The following NUDT2 variants were observed in gnomAD, a reference collection of about 807,000 sequenced individuals.
NUDT2 encodes the protein nudix hydrolase 2.
NUDT2 carries 12 observed loss-of-function variants against 14.2 expected under a neutral mutation model. The observed-to-expected ratio is 0.84, with a 90% CI of 0.54 to 1.37. The LOEUF (loss-of-function observed/expected upper bound fraction) is 1.37, where lower values mean the gene tolerates loss of function less well. Among genes scored for constraint, NUDT2 ranks in the 40% most tolerant of loss-of-function variants. The pLI is 0.00. For synonymous variants in NUDT2, 67 were observed against 67.4 expected, an observed-to-expected ratio of 0.99 and a Z score of 0.03; for missense variants, 167 against 176.7, an observed-to-expected ratio of 0.95 and a Z score of 0.31.
intron 2 of NUDT2, among the ~76,000 whole-genome samples, chr9:34,337,904 C>G (rs1838131192): frequency 6.6e-6 from 1 of 151,900 alleles, no homozygotes; most frequent in South Asian, 2.1e-4. Context: ...GTGGCCCGAT[C>G]TCGGCTCACC....
intron 4 of NUDT2, among the ~76,000 whole-genome samples, chr9:34,342,560 T>C (rs924107268): frequency 6.6e-6 from 1 of 152,190 alleles, no homozygotes; most frequent in Non-Finnish European, 1.5e-5. Context: ...ATTCTAAACC[T>C]GACTTGCTAT....
At position 34,333,644 on chromosome 9, in the gene NUDT2, CAAAAAAA is replaced by C. The variant is rs34830977; in HGVS notation, c.-264-2563_-264-2557del. 5.1e-4 allele frequency among the ~76,000 whole-genome samples: 24 copies of C among 47,104 alleles called. No individual in the cohort carries two copies. The East Asian group carries it at 9.2e-3, about 18-fold the overall frequency. 30.9% of individuals were successfully genotyped at this position (47,104 alleles called of 152,430 possible). ...TCTGGATGACACAGAGAGACATTGT[CAAAAAAA>C]AAAAAAAAAAAAAAAAAAAAAGGAC... On this transcript the variant is annotated intron_variant, in intron 1 of 4. Coordinates refer to ENST00000379158, the MANE Select transcript of NUDT2 (RefSeq NM_001161.5).
intron 1 of NUDT2, among the ~76,000 whole-genome samples, chr9:34,331,065 TAGTC>T (rs1260697485): frequency 6.6e-6 from 1 of 152,124 alleles, no homozygotes; most frequent in Non-Finnish European, 1.5e-5. Flanking sequence ...TGCCCAAAAT[TAGTC>T]AGTTAAGGGA....
rs866658982 is a variant in NUDT2 at position 34,335,659 on chromosome 9, A to G, written c.-264-570A>G. On this transcript the variant is annotated intron_variant, in intron 1 of 4. Transcript: ENST00000379158. ...GCAGTGAGGAGTTCTGTATTTCTAGAAGAACTGTTCTTTCCATGGGTCCAG... is the reference window on the plus strand; with the variant it reads ...GCAGTGAGGAGTTCTGTATTTCTAGGAGAACTGTTCTTTCCATGGGTCCAG... Among the ~76,000 whole-genome samples the G allele has an allele frequency of 1.4e-4, 21 of 152,210 alleles. 1 individual carries two copies. The highest frequency in any genetic ancestry group is 4.8e-4 in the African/African-American group (20 of 41,450).
intron 1 of NUDT2, among the ~76,000 whole-genome samples, chr9:34,329,942 G>C (rs1379988942): frequency 6.6e-6 from 1 of 152,202 alleles, no homozygotes; most frequent in Admixed American, 6.5e-5. Flanking sequence ...CTGGGCCTCA[G>C]TTTCACTTGT....
chr9:34,331,567 C>A (rs760837921), intron 1 of NUDT2, among the ~76,000 whole-genome samples: 1 of 152,052 alleles, frequency 6.6e-6, no homozygotes, highest in Non-Finnish European at 1.5e-5. Flanking sequence ...GCTTGACTTA[C>A]CTAAATTGGA....
Position 34,343,244 on chromosome 9 carries a change from T to C in NUDT2, c.248T>C (p.Val83Ala). 6.2e-7 allele frequency: 1 copy of C among 1,614,028 alleles called. No homozygotes were observed. The highest frequency in any genetic ancestry group is 8.5e-7 in the Non-Finnish European group (1 of 1,180,010). ...GGGTTCAAAAGGGAACTCAATTATG[T>C]GGCCAGGAACAAGCCTAAAACAGTC... ...IEGFKRELNY[V>A]ARNKPKTVIY... The change falls in exon 5 of 5, where the codon GTG (valine) becomes GCG (alanine). Residue 83 changes from valine (V) to alanine (A), a missense_variant. By Grantham distance (64) the Val-to-Ala change is moderately conservative (BLOSUM62 0). Transcript: ENST00000379158.
At chr9:34,340,449 A>T (rs1462418772) in intron 4 of NUDT2, among the ~76,000 whole-genome samples, 1 of 152,122 alleles carries the variant, frequency 6.6e-6, no homozygotes, top group Non-Finnish European at 1.5e-5. Context: ...GATTATGGAG[A>T]CCTTGAGATT....
chr9:34,331,656 G>A (rs1837941399), intron 1 of NUDT2, among the ~76,000 whole-genome samples: 1 of 152,170 alleles, frequency 6.6e-6, no homozygotes, highest in Non-Finnish European at 1.5e-5. Context: ...GGTCTTGGTA[G>A]AGAAGGGAGG....
rs745748055 is a variant in NUDT2, at chr9:34,339,007, G to A, written c.-16-17G>A. 1.3e-6 allele frequency: 2 copies of A among 1,595,100 alleles called. No individual in the cohort carries two copies. Among genetic ancestry groups the A allele is most frequent in the Non-Finnish European group, 1.7e-6 (2 of 1,165,372 alleles). ...ATTTTGTGTAACTTCCCAATATTCT[G>A]TATCTTCTTTGTTAAGTCCTTAGGA... On this transcript the variant is annotated splice_polypyrimidine_tract_variant and intron_variant, in intron 3 of 4. Coordinates refer to ENST00000379158, the MANE Select transcript of NUDT2 (RefSeq NM_001161.5).
At chr9:34,342,638 AACTAGAC>A (rs762660189) in intron 4 of NUDT2, among the ~76,000 whole-genome samples, 4 of 152,096 alleles carry the variant, frequency 2.6e-5, no homozygotes, top group Non-Finnish European at 5.9e-5. Flanking sequence ...AAACCCCGAG[AACTAGAC>A]ACTACCTGCC....
chr9:34,343,503 C>T lies in NUDT2; in HGVS notation c.*63C>T, dbSNP rs1161446092. 1 of 1,395,598 alleles carries T rather than the reference C, an allele frequency of 7.2e-7. No individual in the cohort carries two copies. The highest frequency in any genetic ancestry group is 2.4e-5 in the East Asian group (1 of 41,812). 86.5% of individuals were successfully genotyped at this position (1,395,598 alleles called of 1,614,324 possible). A position where few individuals can be genotyped will look rare whatever the true frequency, so the allele number is the denominator to read the frequency against. Reference sequence around the variant, plus strand: ...TTGTGGGCCTTCTAAGATGAAGCCACCCTCAGGTCCAGGGAAGGTTGTGCT... The same window carrying T: ...TTGTGGGCCTTCTAAGATGAAGCCATCCTCAGGTCCAGGGAAGGTTGTGCT... On this transcript the variant is annotated 3_prime_UTR_variant, in exon 5 of 5. Transcript: ENST00000379158.
chr9:34,333,451 A>AC (rs1437963188), intron 1 of NUDT2, among the ~76,000 whole-genome samples: 1 of 151,838 alleles, frequency 6.6e-6, no homozygotes, highest in African/African-American at 2.4e-5. Flanking sequence ...GCATAGCAAG[A>AC]CCCCATCTCT....
At chr9:34,331,348 T>G (rs566145910) in intron 1 of NUDT2, among the ~76,000 whole-genome samples, 9 of 152,248 alleles carry the variant, frequency 5.9e-5, no homozygotes, top group Non-Finnish European at 1.0e-4. Flanking sequence ...ATATATGTCA[T>G]TTATAAACTC....
At position 34,339,158 on chromosome 9, in the gene NUDT2, C is replaced by T; in HGVS notation, c.119C>T (p.Pro40Leu). 1 of 1,613,526 alleles carries T rather than the reference C, an allele frequency of 6.2e-7. No individual in the cohort carries two copies. Among genetic ancestry groups the T allele is most frequent in the Non-Finnish European group, 8.5e-7 (1 of 1,179,512 alleles). ...TCAGATGGCATTCATCACTGGACTC[C>T]TCCCAAAGGTAGAGGCCAGAGGGGC... Reference protein sequence around the residue: ...QASDGIHHWTPPKGHVEPGED... With the variant: ...QASDGIHHWTLPKGHVEPGED... The change falls in exon 4 of 5, where the codon CCT (proline) becomes CTT (leucine). Residue 40 changes from proline (P) to leucine (L), a missense_variant. Pro to Leu is a moderately conservative substitution (Grantham distance 98). Coordinates refer to ENST00000379158, the MANE Select transcript of NUDT2 (RefSeq NM_001161.5).
chr9:34,329,853 G>GGGT (rs140851024), intron 1 of NUDT2, among the ~76,000 whole-genome samples: 34,225 of 152,020 alleles, frequency 0.23, 4,511 homozygotes, highest in East Asian at 0.61. Context: ...AGTGGGGATA[G>GGGT]GGTGGGTCGT....
rs1820253939 is a variant in NUDT2 at position 34,343,631 on chromosome 9, G to A, written c.*191G>A. The A allele has an allele frequency of 3.7e-6, 2 of 547,390 alleles. No individual in the cohort carries two copies. The highest frequency in any genetic ancestry group is 6.0e-5 in the South Asian group (2 of 33,474). 33.9% of individuals were successfully genotyped at this position (547,390 alleles called of 1,614,324 possible). ...GCTGGGTGGAAAGGAAGGCAAAAGA[G>A]TAAAAATTAAAAAGGCCAGGCCCAG... On this transcript the variant is annotated 3_prime_UTR_variant, in exon 5 of 5. Coordinates refer to ENST00000379158, the MANE Select transcript of NUDT2 (RefSeq NM_001161.5).
Position 34,343,435 on chromosome 9 carries a change from G to T in NUDT2, c.439G>T (p.Ala147Ser), listed in dbSNP as rs746846729. The T allele has an allele frequency of 1.9e-6, 3 of 1,584,492 alleles. No homozygotes were observed. Among genetic ancestry groups the T allele is most frequent in the South Asian group, 1.2e-5 (1 of 86,142 alleles). Residue 147 changes from alanine (A) to serine (S), a missense_variant, in exon 5 of 5, where the codon GCC (alanine) becomes TCC (serine). Ala to Ser is a moderately conservative substitution (Grantham distance 99). Transcript: ENST00000379158. ...ACACCAGTTTCTTTGCTCCATAGAG[G>T]CCTGAGCTGACTGGAGCAGAGTCAT... The part of the protein sequence containing the change: ...EGHQFLCSIE[A>S]
intron 2 of NUDT2, among the ~76,000 whole-genome samples, chr9:34,337,127 G>T (rs1275957116): frequency 6.6e-6 from 1 of 151,126 alleles, no homozygotes; most frequent in East Asian, 2.0e-4. Flanking sequence ...AGCCTCCCAA[G>T]TAGCTGGGAT....
Sources: gnomAD v4.1 joint callset for allele counts (sites outside exome capture counted in the v4.1 genomes callset) on GRCh38, gnomAD v4.1.1 for gene constraint, MANE v1.5 for transcripts, NCBI Gene and HGNC (gene_info 2026-07-23, HGNC 2026-07-21) for gene names.